AASS: variants seen among roughly 807,000 people sequenced by gnomAD.
The protein encoded by AASS is alpha-aminoadipic semialdehyde synthase, mitochondrial.
AASS carries 86 observed loss-of-function variants against 105.4 expected under a neutral mutation model. The ratio of observed to expected loss-of-function variants is 0.82; its 90% CI spans 0.69 to 0.98. AASS has a LOEUF of 0.98. AASS is among the 50% of genes least tolerant of loss of function. AASS has a pLI of 0.00. For synonymous variants in AASS, 381 were observed against 394.8 expected, an observed-to-expected ratio of 0.96 and a Z score of 0.41; for missense variants, 1,048 against 1,143.2, an observed-to-expected ratio of 0.92 and a Z score of 1.20.
intron 4 of AASS, among the ~76,000 whole-genome samples, chr7:122,123,819 C>T (rs1331940604): frequency 6.6e-6 from 1 of 152,186 alleles, no homozygotes; most frequent in East Asian, 1.9e-4. Flanking sequence ...TTTGTGGAGT[C>T]TCCATTATAG....
chr7:122,095,224 T>A (rs1157725483), intron 15 of AASS, among the ~76,000 whole-genome samples: 1 of 152,126 alleles, frequency 6.6e-6, no homozygotes, highest in Non-Finnish European at 1.5e-5. Flanking sequence ...GCTATCAAAA[T>A]GGCTAAAAAT....
At chr7:122,084,831 G>A (rs1406284510) in intron 19 of AASS, among the ~76,000 whole-genome samples, 2 of 151,938 alleles carry the variant, frequency 1.3e-5, no homozygotes, top group Non-Finnish European at 2.9e-5. Flanking sequence ...TAACACACAT[G>A]AGACAAATCC....
At chr7:122,121,594 C>T (rs1456707771) in intron 4 of AASS, among the ~76,000 whole-genome samples, 2 of 152,004 alleles carry the variant, frequency 1.3e-5, no homozygotes, top group Middle Eastern at 3.2e-3. Context: ...GGGACTTCAT[C>T]GTGTGCCCAG....
chr7:122,119,401 T>C (rs1795335610), intron 4 of AASS, among the ~76,000 whole-genome samples: 1 of 152,170 alleles, frequency 6.6e-6, no homozygotes, highest in Non-Finnish European at 1.5e-5. Context: ...GATCTTTCTT[T>C]TGATTTCAAA....
intron 19 of AASS, among the ~76,000 whole-genome samples, chr7:122,082,313 T>G (rs1793378593): frequency 6.6e-6 from 1 of 152,152 alleles, no homozygotes; most frequent in Non-Finnish European, 1.5e-5. Context: ...TCCCCAAATG[T>G]GCTGTGTTCT....
intron 4 of AASS, among the ~76,000 whole-genome samples, chr7:122,123,812 G>A (rs1029344435): frequency 6.6e-6 from 1 of 152,106 alleles, no homozygotes; most frequent in African/African-American, 2.4e-5. Context: ...GCTCTGTTTT[G>A]TGGAGTCTCC....
chr7:122,118,496 G>C, intron 5 of AASS, 43 bp from the exon 6 acceptor site: 1 of 1,614,046 alleles, frequency 6.2e-7, no homozygotes, highest in African/African-American at 1.3e-5. Flanking sequence ...CACCAGCTCA[G>C]CATTTTTTTT....
rs1365901691 is a variant in AASS, at chr7:122,129,343, A to G, written c.387+18T>C. 3 of 1,497,798 alleles carry G rather than the reference A, an allele frequency of 2.0e-6. No individual in the cohort carries two copies. The highest frequency in any genetic ancestry group is 1.4e-5 in the South Asian group (1 of 71,798). 92.8% of individuals were successfully genotyped at this position (1,497,798 alleles called of 1,614,324 possible). A position where few individuals can be genotyped will look rare whatever the true frequency, so the allele number is the denominator to read the frequency against. On this transcript the variant is annotated intron_variant, in intron 3 of 23. Transcript: ENST00000417368. ...TATTTTTCTACATTAATATTTATAAATATTAATCACTAATTACCTGTTTTA... is the reference window on the plus strand; with the variant it reads ...TATTTTTCTACATTAATATTTATAAGTATTAATCACTAATTACCTGTTTTA...
At chr7:122,123,444 A>G (rs369286127) in intron 4 of AASS, among the ~76,000 whole-genome samples, 3 of 152,152 alleles carry the variant, frequency 2.0e-5, no homozygotes, top group African/African-American at 7.2e-5. Flanking sequence ...ATTGTTTTCT[A>G]TATCTCATTC....
rs1353989013 is a variant in AASS, at chr7:122,101,641, A to C, written c.1318T>G (p.Phe440Val). Reference protein sequence around the residue: ...DATQPLESQNFSPVVRDAVIT... With the variant: ...DATQPLESQNVSPVVRDAVIT... ...CTTACATCTCTCACCACAGGAGAAA[A>C]ATTCTGACTTTCAAGAGGCTGTGTC... is the stretch of plus-strand genomic sequence containing the variant. Residue 440 changes from phenylalanine (F) to valine (V), a missense_variant, in exon 12 of 24, where the codon TTT (phenylalanine) becomes GTT (valine). By Grantham distance (50) the Phe-to-Val change is conservative (BLOSUM62 -1). Coordinates refer to ENST00000417368, the MANE Select transcript of AASS (RefSeq NM_005763.4). 6.2e-7 allele frequency: 1 copy of C among 1,611,548 alleles called. No individual in the cohort carries two copies. The highest frequency in any genetic ancestry group is 8.5e-7 in the Non-Finnish European group (1 of 1,178,396).
rs1367712705 is a variant in AASS at position 122,078,135 on chromosome 7, C to A, written c.2486-121G>T. 1.4e-5 allele frequency: 13 copies of A among 915,358 alleles called. No individual in the cohort carries two copies. In the Admixed American group the frequency reaches 1.7e-4, roughly 12 times the overall value. The allele number at this position is 915,358 out of a possible 1,614,324, so 56.7% of individuals were successfully genotyped here. A position where few individuals can be genotyped will look rare whatever the true frequency, so the allele number is the denominator to read the frequency against. On this transcript the variant is annotated intron_variant, in intron 22 of 23. Transcript: ENST00000417368. ...CCTCCTTTTATATATGATCACTAGA[C>A]AATTATTTACACAGCTTTTTAGCCC...
At chr7:122,107,977 A>G (rs2150529450) in intron 11 of AASS, among the ~76,000 whole-genome samples, 1 of 152,084 alleles carries the variant, frequency 6.6e-6, no homozygotes, top group East Asian at 1.9e-4. Context: ...ACACAGATGA[A>G]AAAGGAGACA....
chr7:122,142,424 C>A (rs1031844623), intron 1 of AASS, among the ~76,000 whole-genome samples: 2 of 152,154 alleles, frequency 1.3e-5, no homozygotes, highest in African/African-American at 4.8e-5. Context: ...ATTAATCCCC[C>A]ACCCTTACAT....
At chr7:122,109,004 T>G (rs957820762) in intron 11 of AASS, among the ~76,000 whole-genome samples, 4 of 151,980 alleles carry the variant, frequency 2.6e-5, no homozygotes, top group Non-Finnish European at 5.9e-5. Context: ...CATTTCTATA[T>G]GCCAACTGTG....
At chr7:122,114,036 A>C (rs1266115733) in intron 9 of AASS, among the ~76,000 whole-genome samples, 2 of 152,194 alleles carry the variant, frequency 1.3e-5, no homozygotes, top group Non-Finnish European at 2.9e-5. Context: ...TTATCTCTAA[A>C]TAACTCAGAA....
At chr7:122,095,369 T>C (rs1321936544) in intron 15 of AASS, among the ~76,000 whole-genome samples, 12 of 152,208 alleles carry the variant, frequency 7.9e-5, no homozygotes, top group Admixed American at 2.6e-4. Flanking sequence ...TAAATATGAG[T>C]GTTATAAAAA....
chr7:122,090,594 C>A (rs1018632268), intron 18 of AASS, among the ~76,000 whole-genome samples: 15 of 152,140 alleles, frequency 9.9e-5, no homozygotes, highest in Non-Finnish European at 1.6e-4. Context: ...TTTTAAGACA[C>A]ATCTATGTGA....
intron 13 of AASS, 133 bp from the exon 14 acceptor site, chr7:122,098,999 C>G: frequency 1.0e-6 from 1 of 965,362 alleles, no homozygotes; most frequent in South Asian, 1.9e-5. Context: ...CTTCACATTA[C>G]TTAAAATAAG....
intron 18 of AASS, among the ~76,000 whole-genome samples, chr7:122,087,287 T>A (rs1360525544): frequency 6.6e-6 from 1 of 152,166 alleles, no homozygotes; most frequent in East Asian, 1.9e-4. Flanking sequence ...CTCATTTATC[T>A]GTGGATGAAG....
Sources: allele counts gnomAD v4.1 joint callset (sites outside exome capture counted in the v4.1 genomes callset), GRCh38; gene constraint gnomAD v4.1.1; transcripts MANE v1.5; gene names NCBI Gene and HGNC (gene_info 2026-07-23, HGNC 2026-07-21).